The following MYSM1 variants were observed in gnomAD, a reference collection of about 807,000 sequenced individuals.
The protein encoded by MYSM1 is Myb like, SWIRM and MPN domains 1.
In MYSM1, 51 loss-of-function variants were observed where a neutral mutation model predicts 116.0. The ratio of observed to expected loss-of-function variants is 0.44; its 90% CI spans 0.35 to 0.56. The LOEUF (loss-of-function observed/expected upper bound fraction) is 0.56. Ranked by LOEUF, MYSM1 falls within the 20% of genes least tolerant of loss-of-function variation. MYSM1 has a pLI of 0.00. For missense variants in MYSM1, 900 were observed against 974.9 expected (o/e 0.92, Z 1.02); for synonymous variants, 313 against 315.2 (o/e 0.99, Z 0.07).
intron 14 of MYSM1, 123 bp from the exon 15 acceptor site, chr1:58,668,044 A>T: frequency 1.4e-6 from 1 of 734,236 alleles, no homozygotes; most frequent in Non-Finnish European, 2.5e-6. Flanking sequence ...AAAATAAAGT[A>T]GCATAGGAGA....
At position 58,682,013 on chromosome 1, in the gene MYSM1, C is replaced by G. The variant is rs1644753305; in HGVS notation, c.1031G>C (p.Cys344Ser). The change falls in exon 8 of 20, where the codon TGT becomes TCT. Residue 344 changes from cysteine to serine, a missense_variant. Transcript: ENST00000472487. ...ATCATTCAAATTTTTCTGAATTTCA[C>G]AAGGCTCTGGAGAAGGCAACTGCCT... ...DARQLPSPEP[C>S]EIQKNLNDNE... 2.5e-6 allele frequency: 4 copies of G among 1,614,032 alleles called. No individual in the cohort carries two copies. Among genetic ancestry groups the G allele is most frequent in the Non-Finnish European group, 2.5e-6 (3 of 1,180,036 alleles).
chr1:58,661,653 C>A, intron 17 of MYSM1, 142 bp from the exon 18 acceptor site: 1 of 538,032 alleles, frequency 1.9e-6, no homozygotes, highest in Non-Finnish European at 3.3e-6. Context: ...ACATAGTGGG[C>A]ATTCATTAAA....
rs1398055221 is a variant in MYSM1, at chr1:58,668,627, C to T, written c.1767+5G>A. The stretch of plus-strand genomic sequence containing the variant: ...AACTAAGTAAACACAATAGATTATC[C>T]TTACCAAATCCATTATTAAAAGTGC... On this transcript the variant is annotated splice_donor_5th_base_variant and intron_variant, in intron 14 of 19. Transcript: ENST00000472487. 6.2e-7 allele frequency: 1 copy of T among 1,600,786 alleles called. No individual in the cohort carries two copies. Among genetic ancestry groups the T allele is most frequent in the South Asian group, 1.1e-5 (1 of 88,752 alleles).
intron 6 of MYSM1, among the ~76,000 whole-genome samples, chr1:58,685,953 G>A (rs774871218): frequency 1.7e-4 from 26 of 152,022 alleles, no homozygotes; most frequent in Non-Finnish European, 2.9e-4. Flanking sequence ...TTTGAGACAG[G>A]GTCTCACTCT....
chr1:58,697,869 A>G (rs1161949918), intron 1 of MYSM1, among the ~76,000 whole-genome samples: 1 of 150,882 alleles, frequency 6.6e-6, no homozygotes, highest in African/African-American at 2.4e-5. Flanking sequence ...GATTACAGGC[A>G]TGAGCCACCG....
chr1:58,689,322 T>C (rs1253328750), intron 5 of MYSM1: 18 of 478,698 alleles, frequency 3.8e-5, no homozygotes, highest in Non-Finnish European at 6.2e-5. Context: ...CTCAGGATGA[T>C]GGGAGCCCCA....
chr1:58,674,521 T>C (rs1044580722), intron 10 of MYSM1, among the ~76,000 whole-genome samples: 1 of 152,198 alleles, frequency 6.6e-6, no homozygotes, highest in Non-Finnish European at 1.5e-5. Context: ...CTAAATACTC[T>C]GAGAAAAACA....
At position 58,675,479 on chromosome 1, in the gene MYSM1, T is replaced by C. The variant is rs577569345; in HGVS notation, c.1492A>G (p.Met498Val). The change falls in exon 10 of 20, where the codon ATG (methionine) becomes GTG (valine). Residue 498 changes from methionine to valine, a missense_variant and splice_region_variant. By Grantham distance (21) the Met-to-Val change is conservative. This residue lies in a region of MYSM1 where 622 missense variants were observed against 623.7 expected (regional missense o/e 1.00). Coordinates refer to ENST00000472487, the MANE Select transcript of MYSM1 (RefSeq NM_001085487.3). ...AYQLAQRLQS[M>V]RTRRRRVRDP... The stretch of plus-strand genomic sequence containing the variant: ...CACTGAGAGAGATGACTGCTTACCA[T>C]AGACTGCAGACGCTGGGCAAGTTGG... 3.0e-5 allele frequency: 48 copies of C among 1,607,536 alleles called. No individual in the cohort carries two copies. The highest frequency in any genetic ancestry group is 3.3e-4 in the Middle Eastern group (2 of 6,054).
At chr1:58,688,744 T>C (rs1361915253) in intron 6 of MYSM1, among the ~76,000 whole-genome samples, 2 of 152,062 alleles carry the variant, frequency 1.3e-5, no homozygotes, top group Non-Finnish European at 2.9e-5. Context: ...ATCCAGGTAG[T>C]TGGTGTCATG....
chr1:58,662,461 CCTT>C (rs1301441972), intron 17 of MYSM1, among the ~76,000 whole-genome samples: 24 of 119,260 alleles, frequency 2.0e-4, no homozygotes, highest in Admixed American at 1.3e-3. Flanking sequence ...TTCACCCCCC[CCTT>C]TTTTTTTTTT....
rs1255263117 is a variant in MYSM1, at chr1:58,676,972, C to A, written c.1344G>T (p.Arg448=). The A allele has an allele frequency of 6.2e-7, 1 of 1,612,070 alleles. No individual in the cohort carries two copies. The highest frequency in any genetic ancestry group is 1.1e-5 in the South Asian group (1 of 90,880). Residue 448 remains arginine (R), a synonymous_variant, in exon 9 of 20, where the codon CGG becomes CGT. Coordinates refer to ENST00000472487, the MANE Select transcript of MYSM1 (RefSeq NM_001085487.3). ...CTATCAATTCGAGGTATGTATGAAT[C>A]CGTCCAATACAATTAACATCTCCAC... ...KNCGDVNCIG[R]IHTYLELIGA... is the part of the protein sequence containing the mutation.
At chr1:58,667,351 G>C (rs1644489102) in intron 15 of MYSM1, 125 bp from the exon 16 acceptor site, 1 of 648,416 alleles carries the variant, frequency 1.5e-6, no homozygotes, top group Non-Finnish European at 2.3e-6. Context: ...CAATACCACA[G>C]TTGCCTTTAA....
At position 58,681,895 on chromosome 1, in the gene MYSM1, T is replaced by C. The variant is rs1644751364; in HGVS notation, c.1149A>G (p.Arg383=). The C allele has an allele frequency of 6.2e-7, 1 of 1,613,884 alleles. No individual in the cohort carries two copies. Among genetic ancestry groups the C allele is most frequent in the Non-Finnish European group, 8.5e-7 (1 of 1,180,016 alleles). Residue 383 remains arginine, a synonymous_variant, in exon 8 of 20, where the codon AGA becomes AGG. Coordinates refer to ENST00000472487, the MANE Select transcript of MYSM1 (RefSeq NM_001085487.3). ...GTTTTTCTTCTTCTTGAATGATATT[T>C]CTATCTATTTCTATTTCCTGTTCTG... ...KPPEQEIEID[R]NIIQEEEKQA... is the part of the protein sequence containing the mutation.
In MYSM1 at chr1:58,661,393, C is replaced by T; in HGVS notation, c.2270+13G>A. ...ACTGCAGATGTGCAACCATCTCAAA[C>T]CACAGTACATACCTATGGGAGAGCC... On this transcript the variant is annotated intron_variant, in intron 18 of 19. Coordinates refer to ENST00000472487, the MANE Select transcript of MYSM1 (RefSeq NM_001085487.3). 6.7e-7 allele frequency: 1 copy of T among 1,488,878 alleles called. No homozygotes were observed. Among genetic ancestry groups the T allele is most frequent in the South Asian group, 1.1e-5 (1 of 88,002 alleles). 92.2% of individuals were successfully genotyped at this position (1,488,878 alleles called of 1,614,324 possible).
intron 19 of MYSM1, 48 bp downstream of exon 19, chr1:58,661,122 C>T: frequency 7.2e-7 from 1 of 1,391,820 alleles, no homozygotes; most frequent in Non-Finnish European, 1.0e-6. Context: ...AGATGAATAG[C>T]TTCAGAATCT....
intron 7 of MYSM1, among the ~76,000 whole-genome samples, 195 bp downstream of exon 7, chr1:58,684,958 T>C (rs1311879123): frequency 6.6e-6 from 1 of 152,174 alleles, no homozygotes; most frequent in Non-Finnish European, 1.5e-5. Flanking sequence ...TTAAATAGAG[T>C]AACATGATAC....
intron 6 of MYSM1, among the ~76,000 whole-genome samples, chr1:58,686,917 T>G (rs920420675): frequency 6.6e-6 from 1 of 151,186 alleles, no homozygotes; most frequent in Admixed American, 6.6e-5. Flanking sequence ...GGGGATCACC[T>G]GAACTCAGGA....
intron 6 of MYSM1, among the ~76,000 whole-genome samples, chr1:58,688,283 C>G (rs1247459723): frequency 6.6e-6 from 1 of 151,292 alleles, no homozygotes; most frequent in Non-Finnish European, 1.5e-5. Flanking sequence ...CTTCAATTAG[C>G]ATACATAAAT....
chr1:58,665,450 AAGAAATAAGAGT>A, intron 17 of MYSM1, 37 bp downstream of exon 17: 1 of 1,401,050 alleles, frequency 7.1e-7, no homozygotes, highest in Non-Finnish European at 9.8e-7. Context: ...GTATGAGTCA[AAGAAATAAGAGT>A]AGAAAGAGGA....
Sources: allele counts gnomAD v4.1 joint callset (sites outside exome capture counted in the v4.1 genomes callset), GRCh38; gene constraint gnomAD v4.1.1; regional missense constraint gnomAD v4.1.1; transcripts MANE v1.5; gene names NCBI Gene and HGNC (gene_info 2026-07-23, HGNC 2026-07-21).